Variants in RYR3 observed in about 807,000 individuals in gnomAD.
RYR3 encodes the protein brain ryanodine receptor-calcium release channel.
Under a neutral mutation model 584.3 loss-of-function variants are expected in RYR3, and 207 were observed. That is an observed-to-expected ratio of 0.35 (90% CI 0.32 to 0.40). The LOEUF (loss-of-function observed/expected upper bound fraction) is 0.40, where lower values mean the gene tolerates loss of function less well. Among genes scored for constraint, RYR3 ranks in the 10% least tolerant of loss-of-function variants. The pLI, the probability that RYR3 is intolerant of heterozygous loss-of-function variation, is 1.00. For missense variants in RYR3, 5,616 were observed against 6,089.2 expected (o/e 0.92, Z 2.59); for synonymous variants, 2,416 against 2,248.5 (o/e 1.07, Z -2.11).
intron 49 of RYR3, among the ~76,000 whole-genome samples, chr15:33,738,207 G>C (rs1324006504): frequency 6.6e-6 from 1 of 152,124 alleles, no homozygotes; most frequent in East Asian, 1.9e-4. Flanking sequence ...ACTGCTAGGG[G>C]GCACATTAGG....
chr15:33,563,623 T>C (rs2057536507), intron 11 of RYR3, among the ~76,000 whole-genome samples: 1 of 152,192 alleles, frequency 6.6e-6, no homozygotes, highest in Non-Finnish European at 1.5e-5. Flanking sequence ...GTCAAAGATG[T>C]GATGCTTTTA....
In RYR3 at chr15:33,674,780, G is replaced by C. The variant is rs556184944; in HGVS notation, c.5860+4224G>C. 3.3e-5 allele frequency among the ~76,000 whole-genome samples: 4 copies of C among 121,934 alleles called. No individual in the cohort carries two copies. The South Asian group carries it at 1.0e-3, about 31-fold the overall frequency. The allele number at this position is 121,934 out of a possible 152,430, so 80.0% of individuals were successfully genotyped here. A position where few individuals can be genotyped will look rare whatever the true frequency, so the allele number is the denominator to read the frequency against. On this transcript the variant is annotated intron_variant, in intron 38 of 103. Coordinates refer to ENST00000634891, the MANE Select transcript of RYR3 (RefSeq NM_001036.6). ...GGATGGATAAAATAAGAAGGAAAAG[G>C]CATTTTTAATGAAAAAAAAAAAAAA...
intron 28 of RYR3, among the ~76,000 whole-genome samples, chr15:33,644,895 C>T (rs1165742585): frequency 6.6e-6 from 1 of 151,440 alleles, no homozygotes; most frequent in African/African-American, 2.4e-5. Flanking sequence ...ACGTGTAATC[C>T]CAGCTACTTG....
chr15:33,500,763 A>G (rs2051905570), intron 2 of RYR3, among the ~76,000 whole-genome samples: 1 of 152,136 alleles, frequency 6.6e-6, no homozygotes, highest in South Asian at 2.1e-4. Flanking sequence ...CTACAAACAA[A>G]TTAGCTTTAA....
intron 26 of RYR3, 52 bp from the exon 27 acceptor site, chr15:33,636,324 C>T (rs924796029): frequency 6.0e-6 from 9 of 1,495,296 alleles, no homozygotes; most frequent in Non-Finnish European, 8.4e-6. Context: ...TCTCCAGCTG[C>T]TGGGGCCTCT....
chr15:33,669,702 G>T (rs143367450), intron 37 of RYR3, among the ~76,000 whole-genome samples: 5,020 of 152,240 alleles, frequency 0.033, 209 homozygotes, highest in Admixed American at 0.13. Context: ...AGAGGAAACA[G>T]GGTTTCTAGC....
At chr15:33,643,794 A>G (rs1299277776) in intron 27 of RYR3, among the ~76,000 whole-genome samples, 1 of 152,190 alleles carries the variant, frequency 6.6e-6, no homozygotes, top group Non-Finnish European at 1.5e-5. Flanking sequence ...ATGTTATGAA[A>G]TACATAGAGA....
At chr15:33,460,940 C>CTTTTTTTTTTTTTTTTTTTTT (rs66742049) in intron 1 of RYR3, among the ~76,000 whole-genome samples, 7 of 79,210 alleles carry the variant, frequency 8.8e-5, no homozygotes, top group East Asian at 9.1e-4. Flanking sequence ...TAATATCCAC[C>CTTTTTTTTTTTTTTTTTTTTT]TTTTTTTTTT....
intron 64 of RYR3, among the ~76,000 whole-genome samples, chr15:33,774,577 C>G (rs1317932912): frequency 2.0e-5 from 3 of 152,186 alleles, no homozygotes. Flanking sequence ...GAACTACTGA[C>G]TTGAAGTCAT....
intron 43 of RYR3, among the ~76,000 whole-genome samples, chr15:33,713,697 C>A (rs926206281): frequency 6.6e-6 from 1 of 152,154 alleles, no homozygotes; most frequent in Non-Finnish European, 1.5e-5. Context: ...TTATAAACAA[C>A]GTAAATTTAT....
chr15:33,654,574 G>T (rs1255524027), intron 32 of RYR3, among the ~76,000 whole-genome samples: 2 of 152,036 alleles, frequency 1.3e-5, no homozygotes, highest in Non-Finnish European at 2.9e-5. Flanking sequence ...CATAGCTCAA[G>T]AAGTATCATG....
chr15:33,491,841 C>G (rs1215903529), intron 2 of RYR3, among the ~76,000 whole-genome samples: 1 of 152,108 alleles, frequency 6.6e-6, no homozygotes, highest in Non-Finnish European at 1.5e-5. Context: ...GACTGAGTCT[C>G]CTAATGGTTT....
At chr15:33,823,120 A>T in intron 81 of RYR3, 48 bp downstream of exon 81, 2 of 1,522,438 alleles carry the variant, frequency 1.3e-6, no homozygotes, top group Non-Finnish European at 9.0e-7. Flanking sequence ...CTTCCCTCTA[A>T]GCATAGGAGG....
intron 3 of RYR3, among the ~76,000 whole-genome samples, chr15:33,530,218 G>A (rs2054749171): frequency 6.6e-6 from 1 of 152,194 alleles, no homozygotes. Flanking sequence ...TGTGTTGCTA[G>A]GCTATGGCTA....
chr15:33,562,055 A>G (rs2057435255), intron 10 of RYR3, among the ~76,000 whole-genome samples: 1 of 152,250 alleles, frequency 6.6e-6, no homozygotes, highest in African/African-American at 2.4e-5. Flanking sequence ...GGGTATAACC[A>G]TTCAGAATAG....
intron 1 of RYR3, among the ~76,000 whole-genome samples, chr15:33,314,796 C>A (rs1405800619): frequency 6.6e-6 from 1 of 152,208 alleles, no homozygotes; most frequent in Non-Finnish European, 1.5e-5. Flanking sequence ...TGCCTGTAGT[C>A]CCAGCTGCTC....
chr15:33,425,158 CA>C (rs1243173118), intron 1 of RYR3, among the ~76,000 whole-genome samples: 1 of 151,256 alleles, frequency 6.6e-6, no homozygotes, highest in Admixed American at 6.6e-5. Flanking sequence ...TTTACTTATT[CA>C]GCAACTCTGT....
chr15:33,332,839 C>G (rs575846921), intron 1 of RYR3, among the ~76,000 whole-genome samples: 1 of 152,018 alleles, frequency 6.6e-6, no homozygotes, highest in African/African-American at 2.4e-5. Flanking sequence ...ATTCTTAAAG[C>G]AGGGTGGGCA....
intron 38 of RYR3, among the ~76,000 whole-genome samples, chr15:33,680,145 T>A (rs542375890): frequency 1.3e-5 from 2 of 152,342 alleles, no homozygotes; most frequent in East Asian, 3.9e-4. Flanking sequence ...CCTATCCTGC[T>A]GAGTGGGGGC....
Sources: gnomAD v4.1 joint callset for allele counts (sites outside exome capture counted in the v4.1 genomes callset) on GRCh38, gnomAD v4.1.1 for gene constraint, MANE v1.5 for transcripts, NCBI Gene and HGNC (gene_info 2026-07-23, HGNC 2026-07-21) for gene names.